TTC7B: variants seen among roughly 807,000 people sequenced by gnomAD.
The protein encoded by TTC7B is tetratricopeptide repeat domain 7B.
TTC7B carries 28 observed loss-of-function variants against 106.8 expected under a neutral mutation model. The ratio of observed to expected loss-of-function variants is 0.26; its 90% confidence interval spans 0.19 to 0.36. The LOEUF is 0.36. Ranked by LOEUF, TTC7B falls within the 10% of genes least tolerant of loss-of-function variation. TTC7B has a pLI of 1.00. For missense variants in TTC7B, 862 were observed against 1,076.4 expected, an observed-to-expected ratio of 0.80 and a Z score of 2.79; for synonymous variants, 405 against 430.6, an observed-to-expected ratio of 0.94 and a Z score of 0.74.
chr14:90,676,362 C>T lies in TTC7B; in HGVS notation c.1152+161G>A, dbSNP rs543532025. 92 of 684,270 alleles carry T rather than the reference C, an allele frequency of 1.3e-4. 2 individuals carry two copies. The South Asian group carries it at 1.9e-3, about 14-fold the overall frequency. The allele number at this position is 684,270 out of a possible 1,614,324, so 42.4% of individuals were successfully genotyped here. Reference sequence around the variant, plus strand: ...ACCACCTAATCATTTAGCCCAAGGCCCATTCTACAGGGGAGAAAACCAAAG... The same window carrying T: ...ACCACCTAATCATTTAGCCCAAGGCTCATTCTACAGGGGAGAAAACCAAAG... On this transcript the variant is annotated intron_variant, in intron 9 of 19. Coordinates refer to ENST00000328459, the MANE Select transcript of TTC7B (RefSeq NM_001010854.2).
Position 90,704,063 on chromosome 14 carries a change from C to G in TTC7B, c.699-8485G>C, listed in dbSNP as rs944307591. Reference sequence around the variant, plus strand: ...ACTGAGATGGGGAAGGACTGGCCAACGGGCTTCACCTTGTCTCTTCCTCAT... The same window carrying G: ...ACTGAGATGGGGAAGGACTGGCCAAGGGGCTTCACCTTGTCTCTTCCTCAT... On this transcript the variant is annotated intron_variant, in intron 5 of 19. Coordinates refer to ENST00000328459, the MANE Select transcript of TTC7B (RefSeq NM_001010854.2). 3.9e-5 allele frequency among the ~76,000 whole-genome samples: 6 copies of G among 152,294 alleles called. 1 individual carries two copies. The East Asian group carries it at 1.2e-3, about 29-fold the overall frequency.
At position 90,694,600 on chromosome 14, in the gene TTC7B, T is replaced by TTATAC. The variant is rs1159159295; in HGVS notation, c.777+899_777+900insGTATA. 2.6e-3 allele frequency among the ~76,000 whole-genome samples: 389 copies of TTATAC among 148,206 alleles called. 2 individuals are homozygous for TTATAC. The highest frequency in any genetic ancestry group is 9.1e-3 in the African/African-American group (371 of 40,674). Reference sequence around the variant, plus strand: ...GTATAATACATATATGTCACATATATTATAAATATATGTATAATATATGTC... The same window carrying TTATAC: ...GTATAATACATATATGTCACATATATTATACTATAAATATATGTATAATATATGTC... On this transcript the variant is annotated intron_variant, in intron 6 of 19. Coordinates refer to ENST00000328459, the MANE Select transcript of TTC7B (RefSeq NM_001010854.2).
rs1245339204 is a variant in TTC7B, at chr14:90,544,034, C to T, written c.2311-2445G>A. On this transcript the variant is annotated intron_variant, in intron 19 of 19. Coordinates refer to ENST00000328459, the MANE Select transcript of TTC7B (RefSeq NM_001010854.2). Reference sequence around the variant, plus strand: ...CAGGAGGAGCACGTGGTTGGGGTGACAGCCAAGGAGACCCATGGCCGAGGG... The same window carrying T: ...CAGGAGGAGCACGTGGTTGGGGTGATAGCCAAGGAGACCCATGGCCGAGGG... Among the ~76,000 whole-genome samples the T allele has an allele frequency of 2.0e-5, 3 of 152,214 alleles. No homozygotes were observed. In the East Asian group the frequency reaches 5.8e-4, roughly 29 times the overall value.
intron 9 of TTC7B, among the ~76,000 whole-genome samples, chr14:90,669,619 C>A (rs1886556046): frequency 6.6e-6 from 1 of 150,780 alleles, no homozygotes; most frequent in East Asian, 1.9e-4. Flanking sequence ...TGGCAAAAGA[C>A]TTGAATAGTA....
intron 19 of TTC7B, among the ~76,000 whole-genome samples, chr14:90,564,277 A>G (rs959515990): frequency 6.6e-6 from 1 of 152,158 alleles, no homozygotes; most frequent in African/African-American, 2.4e-5. Context: ...CTGAACAATA[A>G]TATTTTGAGA....
intron 9 of TTC7B, among the ~76,000 whole-genome samples, chr14:90,666,243 C>T (rs1886404359): frequency 6.6e-6 from 1 of 152,192 alleles, no homozygotes; most frequent in Non-Finnish European, 1.5e-5. Context: ...CTCACTGCAA[C>T]CTCCACCTCC....
chr14:90,618,739 C>A (rs1893189837), intron 15 of TTC7B, among the ~76,000 whole-genome samples: 1 of 152,222 alleles, frequency 6.6e-6, no homozygotes, highest in Non-Finnish European at 1.5e-5. Context: ...ACTTATGTTT[C>A]TCTGCCGACA....
At chr14:90,660,180 T>C (rs965600210) in intron 9 of TTC7B, among the ~76,000 whole-genome samples, 5 of 151,280 alleles carry the variant, frequency 3.3e-5, no homozygotes, top group Admixed American at 6.6e-5. Context: ...GGCCAGGAGT[T>C]CGAGACCAGC....
chr14:90,756,384 G>GTTTTTTTTTTTTT (rs369068692), intron 3 of TTC7B, among the ~76,000 whole-genome samples: 3 of 126,782 alleles, frequency 2.4e-5, no homozygotes, highest in Non-Finnish European at 3.1e-5. Context: ...TTTTTTTTTT[G>GTTTTTTTTTTTTT]TTTTTTTTTT....
chr14:90,588,875 C>A (rs1349061735), intron 18 of TTC7B, among the ~76,000 whole-genome samples: 31 of 91,560 alleles, frequency 3.4e-4, no homozygotes, highest in Admixed American at 6.9e-4. Flanking sequence ...CGGCAAAAGA[C>A]AAACAAAAAC....
chr14:90,620,744 C>T (rs933721390), intron 15 of TTC7B, among the ~76,000 whole-genome samples: 7 of 152,208 alleles, frequency 4.6e-5, no homozygotes, highest in Non-Finnish European at 1.0e-4. Flanking sequence ...TAACTGTACC[C>T]AAAGGACAGA....
chr14:90,575,648 A>T lies in TTC7B; in HGVS notation c.2310+2458T>A, dbSNP rs754972733. ...CTGGCTGTGGGCTGGGCTCCTGGGGACAGGCTGGGGAGAACACAGGCCAGG... is the reference window on the plus strand; with the variant it reads ...CTGGCTGTGGGCTGGGCTCCTGGGGTCAGGCTGGGGAGAACACAGGCCAGG... On this transcript the variant is annotated intron_variant, in intron 19 of 19. Coordinates refer to ENST00000328459, the MANE Select transcript of TTC7B (RefSeq NM_001010854.2). The surrounding 1 kb of genome is among the most constrained non-coding windows in gnomAD (Gnocchi z 5.2). 6.6e-6 allele frequency among the ~76,000 whole-genome samples: 1 copy of T among 152,132 alleles called. No individual in the cohort carries two copies. Among genetic ancestry groups the T allele is most frequent in the Non-Finnish European group, 1.5e-5 (1 of 68,000 alleles).
intron 5 of TTC7B, among the ~76,000 whole-genome samples, chr14:90,726,896 T>C (rs1889123632): frequency 6.6e-6 from 1 of 152,038 alleles, no homozygotes; most frequent in Non-Finnish European, 1.5e-5. Context: ...TGGATCTGGG[T>C]ACATTCCAAG....
intron 19 of TTC7B, among the ~76,000 whole-genome samples, chr14:90,573,455 TCCCTCTCCGGCTCACAGG>T (rs1891120563): frequency 9.8e-6 from 1 of 101,556 alleles, no homozygotes; most frequent in Non-Finnish European, 2.0e-5. Context: ...CAGCTCACGG[TCCCTCTCCGGCTCACAGG>T]CCCTCTCCGC....
At chr14:90,731,633 CGGGAGTTCCTCCTCTCT>C (rs1450950231) in intron 4 of TTC7B, among the ~76,000 whole-genome samples, 2 of 152,150 alleles carry the variant, frequency 1.3e-5, no homozygotes, top group Non-Finnish European at 2.9e-5. Flanking sequence ...CCTGACTCTC[CGGGAGTTCCTCCTCTCT>C]GGGAACCTCA....
At chr14:90,604,795 G>A (rs1357328672) in intron 17 of TTC7B, among the ~76,000 whole-genome samples, 1 of 152,108 alleles carries the variant, frequency 6.6e-6, no homozygotes, top group Non-Finnish European at 1.5e-5. Flanking sequence ...TTTCACACAG[G>A]GATCTTTCTT....
At position 90,801,098 on chromosome 14, in the gene TTC7B, G is replaced by A. The variant is rs544604008; in HGVS notation, c.122-14770C>T. Among the ~76,000 whole-genome samples the A allele has an allele frequency of 7.9e-5, 12 of 151,286 alleles. No homozygotes were observed. The East Asian group carries it at 1.2e-3, about 15-fold the overall frequency. ...AAATTAGCTAGGCTTTGTGGTGGAC[G>A]CCTGTAGTCCAAGCTACAGGGGAGG... On this transcript the variant is annotated intron_variant, in intron 1 of 19. Coordinates refer to ENST00000328459, the MANE Select transcript of TTC7B (RefSeq NM_001010854.2).
chr14:90,704,903 G>A (rs1007370986), intron 5 of TTC7B, among the ~76,000 whole-genome samples: 3 of 152,144 alleles, frequency 2.0e-5, no homozygotes, highest in East Asian at 3.9e-4. Context: ...CACTCACTCC[G>A]ACGCGAAGCT....
At chr14:90,626,088 C>G (rs909620464) in intron 15 of TTC7B, among the ~76,000 whole-genome samples, 3 of 152,086 alleles carry the variant, frequency 2.0e-5, no homozygotes, top group South Asian at 2.1e-4. Flanking sequence ...GGGATTCATG[C>G]GCAAATTTAA....
Sources: allele counts gnomAD v4.1 joint callset (sites outside exome capture counted in the v4.1 genomes callset), GRCh38; gene constraint gnomAD v4.1.1; non-coding constraint Gnocchi (gnomAD v3.1); transcripts MANE v1.5; gene names NCBI Gene and HGNC (gene_info 2026-07-23, HGNC 2026-07-21).